The following KIAA1958 variants were observed in gnomAD, a reference collection of about 807,000 sequenced individuals.
KIAA1958 encodes the protein KIAA1958, also known as uncharacterized protein KIAA1958.
In KIAA1958, 14 loss-of-function variants were observed where a neutral mutation model predicts 47.2. The ratio of observed to expected loss-of-function variants is 0.30; its 90% CI spans 0.20 to 0.46. The LOEUF is 0.46. Ranked by LOEUF, KIAA1958 falls within the 20% of genes least tolerant of loss-of-function variation. KIAA1958 has a pLI of 1.00. For missense variants in KIAA1958, 803 were observed against 909.2 expected (o/e 0.88, Z 1.50); for synonymous variants, 354 against 353.3 (o/e 1.00, Z -0.02).
chr9:112,544,351 T>G (rs1834994324), intron 1 of KIAA1958, among the ~76,000 whole-genome samples: 6 of 152,244 alleles, frequency 3.9e-5, no homozygotes, highest in Admixed American at 3.9e-4. Context: ...CTATAACTCA[T>G]GCCATGCTAT....
intron 2 of KIAA1958, among the ~76,000 whole-genome samples, chr9:112,621,588 T>G: frequency 6.6e-6 from 1 of 152,214 alleles, no homozygotes; most frequent in East Asian, 1.9e-4. Context: ...CATCTTCATT[T>G]AGAAAAACAC....
At position 112,574,274 on chromosome 9, in the gene KIAA1958, G is replaced by A. The variant is rs1413195557; in HGVS notation, c.194G>A (p.Arg65Lys). The change falls in exon 2 of 4, where the codon AGA becomes AAA. Residue 65 changes from arginine to lysine, a missense_variant. Around this residue, in one of 2 missense-constraint regions of KIAA1958, gnomAD observed 42 missense variants for 79.9 expected, o/e 0.53. Transcript: ENST00000337530. ...AYHWPLTATC[R>K]AGSQERVCFQ... ...CACTGGCCACTAACAGCTACTTGCA[G>A]AGCTGGGTCCCAAGAGAGGGTCTGT... The A allele has an allele frequency of 6.2e-7, 1 of 1,614,178 alleles. No individual in the cohort carries two copies. Among genetic ancestry groups the A allele is most frequent in the Non-Finnish European group, 8.5e-7 (1 of 1,180,008 alleles).
chr9:112,565,440 T>C (rs2131163804), intron 1 of KIAA1958, among the ~76,000 whole-genome samples: 1 of 152,306 alleles, frequency 6.6e-6, no homozygotes, highest in South Asian at 2.1e-4. Context: ...ACTTGATAAC[T>C]CTGTAAGTGT....
intron 1 of KIAA1958, among the ~76,000 whole-genome samples, chr9:112,545,058 A>AAGGTACTCT (rs1417601240): frequency 5.9e-5 from 9 of 152,328 alleles, no homozygotes; most frequent in East Asian, 3.9e-4. Context: ...TAAGGTACTT[A>AAGGTACTCT]TAAAACCTCA....
chr9:112,589,818 A>G (rs922213572), intron 2 of KIAA1958, among the ~76,000 whole-genome samples: 1 of 152,180 alleles, frequency 6.6e-6, no homozygotes, highest in African/African-American at 2.4e-5. Flanking sequence ...TGATTCTCCC[A>G]TGTGATAGGT....
intron 2 of KIAA1958, among the ~76,000 whole-genome samples, chr9:112,629,860 T>C (rs1836678433): frequency 6.6e-6 from 1 of 152,238 alleles, no homozygotes; most frequent in South Asian, 2.1e-4. Context: ...AATGAGAGCA[T>C]GCTTGAGTCA....
At chr9:112,624,540 A>G (rs954253456) in intron 2 of KIAA1958, among the ~76,000 whole-genome samples, 4 of 152,244 alleles carry the variant, frequency 2.6e-5, no homozygotes, top group Non-Finnish European at 5.9e-5. Flanking sequence ...ACAACAGAAA[A>G]GAAGAGATGA....
At chr9:112,656,026 G>A (rs1837144488) in intron 3 of KIAA1958, among the ~76,000 whole-genome samples, 2 of 152,050 alleles carry the variant, frequency 1.3e-5, no homozygotes, top group Admixed American at 6.6e-5. Context: ...GGGTTTTAAG[G>A]TACATTTCAA....
rs374001653 is a variant in KIAA1958, at chr9:112,607,346, GAAA to G, written c.1171+32103_1171+32105del. 9.4e-3 allele frequency among the ~76,000 whole-genome samples: 1,360 copies of G among 144,454 alleles called. 24 individuals are homozygous for G. Among genetic ancestry groups the G allele is most frequent in the African/African-American group, 0.033 (1,295 of 39,380 alleles). 94.8% of individuals were successfully genotyped at this position (144,454 alleles called of 152,430 possible). A position where few individuals can be genotyped will look rare whatever the true frequency, so the allele number is the denominator to read the frequency against. On this transcript the variant is annotated intron_variant, in intron 2 of 3. Coordinates refer to ENST00000337530, the MANE Select transcript of KIAA1958 (RefSeq NM_133465.4). ...AAACTCTGTCTCAAAAAAGAAAAAAGAAAAAAAAAAGGCGTGGGAATGTAGATT... is the reference window on the plus strand; with the variant it reads ...AAACTCTGTCTCAAAAAAGAAAAAAGAAAAAAAGGCGTGGGAATGTAGATT...
chr9:112,500,404 A>G (rs959520681), intron 1 of KIAA1958, among the ~76,000 whole-genome samples: 3 of 151,722 alleles, frequency 2.0e-5, no homozygotes. Context: ...TGGCTTTACA[A>G]ATTAGTTTTG....
At chr9:112,490,816 G>A (rs576766610) in intron 1 of KIAA1958, among the ~76,000 whole-genome samples, 1 of 152,254 alleles carries the variant, frequency 6.6e-6, no homozygotes, top group East Asian at 1.9e-4. Flanking sequence ...AATGGCTCTA[G>A]TGACAAAGAA....
rs140176183 is a variant in KIAA1958 at position 112,572,555 on chromosome 9, G to A, written c.-24-1502G>A. Among the ~76,000 whole-genome samples, 9 of 152,322 alleles carry A rather than the reference G, an allele frequency of 5.9e-5. No individual in the cohort carries two copies. In the East Asian group the frequency reaches 1.7e-3, roughly 29 times the overall value. On this transcript the variant is annotated intron_variant, in intron 1 of 3. Transcript: ENST00000337530. ...AGGCAAATCCCTTGAGATGATACAG[G>A]CATGGGTGAAGGGAAGCTAAATAAA...
chr9:112,649,347 G>A (rs1308138792), intron 3 of KIAA1958, among the ~76,000 whole-genome samples: 5 of 149,532 alleles, frequency 3.3e-5, no homozygotes, highest in Non-Finnish European at 7.4e-5. Flanking sequence ...TTGTACAGAC[G>A]ATGTCTCTCT....
chr9:112,631,534 GAAAAAAAAAAAA>G (rs57805823), intron 2 of KIAA1958, among the ~76,000 whole-genome samples: 2 of 98,294 alleles, frequency 2.0e-5, no homozygotes, highest in African/African-American at 7.4e-5. Context: ...CTCTCTCAAA[GAAAAAAAAAAAA>G]AAAAAAAAAA....
intron 2 of KIAA1958, among the ~76,000 whole-genome samples, chr9:112,605,659 G>C (rs182728145): frequency 4.6e-5 from 7 of 152,250 alleles, no homozygotes; most frequent in Non-Finnish European, 7.4e-5. Context: ...TTCAAAACCT[G>C]TCCTCATACC....
intron 1 of KIAA1958, 150 bp from the exon 2 acceptor site, chr9:112,573,907 C>G (rs960785525): frequency 6.3e-6 from 3 of 474,914 alleles, no homozygotes; most frequent in Non-Finnish European, 1.1e-5. Flanking sequence ...CTTCCAGTCC[C>G]TGCTCATCTA....
intron 2 of KIAA1958, among the ~76,000 whole-genome samples, chr9:112,612,860 G>A (rs1836349298): frequency 6.6e-6 from 1 of 152,128 alleles, no homozygotes; most frequent in Admixed American, 6.5e-5. Context: ...TGCAAATAAT[G>A]GAAATGCCTA....
intron 2 of KIAA1958, among the ~76,000 whole-genome samples, chr9:112,625,685 G>A (rs904737636): frequency 2.0e-5 from 3 of 152,210 alleles, no homozygotes; most frequent in African/African-American, 7.2e-5. Flanking sequence ...ATTTCTCTTA[G>A]GAGTAGATTC....
chr9:112,607,342 A>G (rs1376203806), intron 2 of KIAA1958, among the ~76,000 whole-genome samples: 2 of 151,842 alleles, frequency 1.3e-5, no homozygotes, highest in African/African-American at 4.9e-5. Context: ...CAAAAAAGAA[A>G]AAAGAAAAAA....
Sources: allele counts gnomAD v4.1 joint callset (sites outside exome capture counted in the v4.1 genomes callset), GRCh38; gene constraint gnomAD v4.1.1; regional missense constraint gnomAD v4.1.1; transcripts MANE v1.5; gene names NCBI Gene and HGNC (gene_info 2026-07-23, HGNC 2026-07-21).